VWA3B: variants seen among roughly 807,000 people sequenced by gnomAD.
The protein encoded by VWA3B is von Willebrand factor A domain containing 3B, also known as von Willebrand factor A domain-containing protein 3B.
Under a neutral mutation model 158.3 loss-of-function variants are expected in VWA3B, and 138 were observed. That is an observed-to-expected ratio of 0.87 (90% CI 0.76 to 1.00). The LOEUF (loss-of-function observed/expected upper bound fraction) is 1.00. Ranked by LOEUF, VWA3B falls within the 50% of genes least tolerant of loss-of-function variation. VWA3B has a pLI of 0.00. For synonymous variants in VWA3B, 596 were observed against 587.3 expected, an observed-to-expected ratio of 1.01 and a Z score of -0.21; for missense variants, 1,555 against 1,565.1, an observed-to-expected ratio of 0.99 and a Z score of 0.11.
intron 14 of VWA3B, among the ~76,000 whole-genome samples, chr2:98,219,691 A>C (rs1684324251): frequency 6.6e-6 from 1 of 152,250 alleles, no homozygotes; most frequent in Non-Finnish European, 1.5e-5. Context: ...AATAATAGAA[A>C]GAAGACACAT....
intron 8 of VWA3B, among the ~76,000 whole-genome samples, chr2:98,166,799 TACACACACAC>T (rs58860649): frequency 6.9e-6 from 1 of 145,826 alleles, no homozygotes; most frequent in Non-Finnish European, 1.5e-5. Context: ...TTTAATCTAA[TACACACACAC>T]ACACACACAC....
intron 1 of VWA3B, among the ~76,000 whole-genome samples, chr2:98,087,922 G>T (rs1473616272): frequency 6.6e-6 from 1 of 152,098 alleles, no homozygotes; most frequent in African/African-American, 2.4e-5. Context: ...TTTCTTCTCA[G>T]CAATGACCTT....
chr2:98,203,357 C>T (rs997098601), intron 12 of VWA3B, among the ~76,000 whole-genome samples: 2 of 152,196 alleles, frequency 1.3e-5, no homozygotes, highest in African/African-American at 4.8e-5. Flanking sequence ...GCTTTAAGAT[C>T]AAGAACAGCT....
chr2:98,304,313 G>A (rs1205603969), intron 26 of VWA3B, among the ~76,000 whole-genome samples: 1 of 152,174 alleles, frequency 6.6e-6, no homozygotes, highest in African/African-American at 2.4e-5. Flanking sequence ...AGGAAAGGGG[G>A]AGGCCTGCAG....
intron 7 of VWA3B, among the ~76,000 whole-genome samples, chr2:98,158,128 G>A (rs1013554861): frequency 1.3e-5 from 2 of 152,056 alleles, no homozygotes; most frequent in African/African-American, 2.4e-5. Context: ...GTAATCATGA[G>A]GAATGAATGT....
chr2:98,142,265 C>T (rs1442104714), intron 7 of VWA3B, among the ~76,000 whole-genome samples: 1 of 152,158 alleles, frequency 6.6e-6, no homozygotes, highest in Non-Finnish European at 1.5e-5. Context: ...TTTGTAGACC[C>T]TGCCCCGCCT....
chr2:98,298,124 G>A (rs1390527365), intron 24 of VWA3B, 93 bp downstream of exon 24: 7 of 1,336,942 alleles, frequency 5.2e-6, no homozygotes, highest in African/African-American at 1.5e-5. Context: ...GCCCTTTGCT[G>A]AACCTACACG....
chr2:98,311,229 T>A (rs1690872115), intron 26 of VWA3B, among the ~76,000 whole-genome samples: 1 of 152,240 alleles, frequency 6.6e-6, no homozygotes, highest in Non-Finnish European at 1.5e-5. Context: ...CATGGTGTTA[T>A]CAAGGTGCCT....
chr2:98,277,631 A>C (rs570668155), intron 22 of VWA3B, among the ~76,000 whole-genome samples: 4 of 152,308 alleles, frequency 2.6e-5, no homozygotes, highest in African/African-American at 9.6e-5. Context: ...CGTGACTGGC[A>C]AGGAAGCTGG....
intron 1 of VWA3B, among the ~76,000 whole-genome samples, chr2:98,092,199 G>A (rs1159067743): frequency 6.6e-6 from 1 of 152,174 alleles, no homozygotes; most frequent in Non-Finnish European, 1.5e-5. Context: ...TGTTCGACAG[G>A]TAAAAACCTG....
chr2:98,147,279 G>C (rs1677242152), intron 7 of VWA3B, among the ~76,000 whole-genome samples: 1 of 152,022 alleles, frequency 6.6e-6, no homozygotes, highest in Non-Finnish European at 1.5e-5. Context: ...ATGAGGCTGG[G>C]GGTCTGAATC....
In VWA3B at chr2:98,267,918, G is replaced by A. The variant is rs1355951916; in HGVS notation, c.2844-2764G>A. On this transcript the variant is annotated intron_variant, in intron 21 of 27. Coordinates refer to ENST00000477737, the MANE Select transcript of VWA3B (RefSeq NM_144992.5). ...CAGAGAATACTACAAACACCTCTAC[G>A]CAAATAAACTAGAAAATCTAGAAGA... Among the ~76,000 whole-genome samples the A allele has an allele frequency of 9.2e-5, 14 of 152,126 alleles. 1 individual carries two copies. In the South Asian group the frequency reaches 1.5e-3, roughly 16 times the overall value.
intron 20 of VWA3B, among the ~76,000 whole-genome samples, chr2:98,252,213 A>G (rs10206446): frequency 0.013 from 2,034 of 152,224 alleles, 50 homozygotes; most frequent in African/African-American, 0.046. Context: ...TCTGCCCTCT[A>G]GGATGTCAGC....
intron 19 of VWA3B, 184 bp downstream of exon 19, chr2:98,236,914 G>A (rs905077095): frequency 1.3e-6 from 1 of 748,740 alleles, no homozygotes; most frequent in Admixed American, 3.2e-5. Flanking sequence ...GGTGGCGCAT[G>A]CCTGTAACCC....
At position 98,149,360 on chromosome 2, in the gene VWA3B, T is replaced by A. The variant is rs766281011; in HGVS notation, c.989-13491T>A. Among the ~76,000 whole-genome samples, 21 of 152,290 alleles carry A rather than the reference T, an allele frequency of 1.4e-4. 1 individual carries two copies. The South Asian group carries it at 1.9e-3, about 14-fold the overall frequency. On this transcript the variant is annotated intron_variant, in intron 7 of 27. Transcript: ENST00000477737. ...AGCAGGGATTTATTGAAAACGAAAG[T>A]ACCCTCCACAGGATGTGAGCTGGCT... is the stretch of plus-strand genomic sequence containing the variant.
intron 20 of VWA3B, among the ~76,000 whole-genome samples, chr2:98,255,690 G>A (rs2105822362): frequency 1.3e-5 from 2 of 152,220 alleles, no homozygotes; most frequent in South Asian, 4.1e-4. Context: ...GATCTCTAAA[G>A]TGTGTCCCAA....
chr2:98,240,636 G>A (rs1029251497), intron 19 of VWA3B, among the ~76,000 whole-genome samples: 9 of 152,160 alleles, frequency 5.9e-5, no homozygotes, highest in African/African-American at 2.2e-4. Flanking sequence ...ATTGGTCCTT[G>A]GTGTGTAGAA....
intron 26 of VWA3B, among the ~76,000 whole-genome samples, chr2:98,308,972 G>C (rs1690709491): frequency 6.6e-6 from 1 of 152,136 alleles, no homozygotes; most frequent in African/African-American, 2.4e-5. Flanking sequence ...AGGAGTTCGA[G>C]ACCAGCCTGG....
chr2:98,154,140 G>A (rs1482750187), intron 7 of VWA3B, among the ~76,000 whole-genome samples: 1 of 152,166 alleles, frequency 6.6e-6, no homozygotes, highest in African/African-American at 2.4e-5. Context: ...GGGGTTACAG[G>A]TGTGAGCCAC....
Sources: allele counts gnomAD v4.1 joint callset (sites outside exome capture counted in the v4.1 genomes callset), GRCh38; gene constraint gnomAD v4.1.1; transcripts MANE v1.5; gene names NCBI Gene and HGNC (gene_info 2026-07-23, HGNC 2026-07-21).